PTPN14: variants seen among roughly 807,000 people sequenced by gnomAD.
PTPN14 encodes the protein protein tyrosine phosphatase non-receptor type 14.
Under a neutral mutation model 126.8 loss-of-function variants are expected in PTPN14, and 53 were observed. The observed-to-expected ratio is 0.42, with a 90% CI of 0.34 to 0.53. PTPN14 has a LOEUF of 0.53. Among genes scored for constraint, PTPN14 ranks in the 20% least tolerant of loss-of-function variants. The probability of loss-of-function intolerance (pLI) is 0.08; values close to 1 mark genes in which losing one functional copy is unlikely to be tolerated. For missense variants in PTPN14, 1,257 were observed against 1,552.9 expected (o/e 0.81, Z 3.20); for synonymous variants, 630 against 599.3 (o/e 1.05, Z -0.75).
intron 1 of PTPN14, chr1:214,530,167 C>G (rs931406483): frequency 2.6e-5 from 4 of 151,536 alleles, no homozygotes; most frequent in African/African-American, 9.7e-5. Context: ...AACATTCAGG[C>G]TAGGAGGGAA....
At chr1:214,481,827 TACAAAAA>T (rs1660994904) in intron 1 of PTPN14, among the ~76,000 whole-genome samples, 1 of 151,058 alleles carries the variant, frequency 6.6e-6, no homozygotes, top group Non-Finnish European at 1.5e-5. Flanking sequence ...CTACTAAAAA[TACAAAAA>T]AAATTAGCTG....
At chr1:214,380,566 AT>A (rs1658449205) in intron 13 of PTPN14, among the ~76,000 whole-genome samples, 1 of 152,218 alleles carries the variant, frequency 6.6e-6, no homozygotes, top group Non-Finnish European at 1.5e-5. Context: ...CGGCGGAACC[AT>A]CCATCAAACA....
rs910541918 is a variant in PTPN14, at chr1:214,351,314, G to T, written c.*6608C>A. 2 of 134,988 alleles carry T rather than the reference G, an allele frequency of 1.5e-5. No individual in the cohort carries two copies. The highest frequency in any genetic ancestry group is 2.7e-5 in the African/African-American group (1 of 36,798). The allele number at this position is 134,988 out of a possible 1,614,324, so 8.4% of individuals were successfully genotyped here. A position where few individuals can be genotyped will look rare whatever the true frequency, so the allele number is the denominator to read the frequency against. Reference sequence around the variant, plus strand: ...CTAAAAAAAAAAAAAAAAAGAAAAAGAAAAAAAAAAAGGCAGCAGACCCTA... The same window carrying T: ...CTAAAAAAAAAAAAAAAAAGAAAAATAAAAAAAAAAAGGCAGCAGACCCTA... On this transcript the variant is annotated 3_prime_UTR_variant, in exon 19 of 19. Coordinates refer to ENST00000366956, the MANE Select transcript of PTPN14 (RefSeq NM_005401.5).
At chr1:214,423,998 A>G (rs1165154437) in intron 3 of PTPN14, among the ~76,000 whole-genome samples, 1 of 149,306 alleles carries the variant, frequency 6.7e-6, no homozygotes, top group African/African-American at 2.5e-5. Flanking sequence ...AACAGTAACA[A>G]CAAAAAATCA....
Position 214,386,868 on chromosome 1 carries a change from AG to A in PTPN14, c.1041del (p.Tyr348ThrfsTer29). On this transcript the variant is annotated frameshift_variant, in exon 12 of 19. Coordinates refer to ENST00000366956, the MANE Select transcript of PTPN14 (RefSeq NM_005401.5). LOFTEE classifies it high-confidence loss of function. ...CCTTGCGAGGTGTGCGTTTCCGAGT[AG>A]TGCTCACCACACTGGACGTGAACGG... ...LPPVHVQCGE[H>X]YSETHTSQDS... 1 of 1,607,852 alleles carries A rather than the reference AG, an allele frequency of 6.2e-7. No individual in the cohort carries two copies. The highest frequency in any genetic ancestry group is 8.5e-7 in the Non-Finnish European group (1 of 1,174,562).
chr1:214,360,447 T>C (rs901723676), intron 18 of PTPN14, among the ~76,000 whole-genome samples: 1 of 152,250 alleles, frequency 6.6e-6, no homozygotes, highest in African/African-American at 2.4e-5. Context: ...GCCTAGGTTA[T>C]AAGCTTCTGA....
At chr1:214,476,006 T>C (rs1660858860) in intron 1 of PTPN14, among the ~76,000 whole-genome samples, 1 of 152,124 alleles carries the variant, frequency 6.6e-6, no homozygotes, top group African/African-American at 2.4e-5. Flanking sequence ...AACTATGACA[T>C]ACCATCAGCA....
chr1:214,531,481 ATC>A (rs1467400703), intron 1 of PTPN14: 4 of 134,288 alleles, frequency 3.0e-5, no homozygotes, highest in Non-Finnish European at 6.1e-5. Flanking sequence ...TCCAAAACCC[ATC>A]TCTACAACCC....
In PTPN14 at chr1:214,411,745, A is replaced by G. The variant is rs770773880; in HGVS notation, c.449T>C (p.Phe150Ser). 3 of 1,506,098 alleles carry G rather than the reference A, an allele frequency of 2.0e-6. No homozygotes were observed. The African/African-American group carries it at 4.2e-5, about 21-fold the overall frequency. The allele number at this position is 1,506,098 out of a possible 1,614,324, so 93.3% of individuals were successfully genotyped here. ...RLAGLAVQADFGDYNQFDSQD... is the reference protein window; with the variant it reads ...RLAGLAVQADSGDYNQFDSQD... The stretch of plus-strand genomic sequence containing the variant: ...AGAATCAAACTGATTATAGTCTCCA[A>G]AATCAGCTGAGAAGAAAAGAAGATG... The change falls in exon 5 of 19, where the codon TTT becomes TCT. Residue 150 changes from phenylalanine to serine, a missense_variant. Phe to Ser is a radical substitution (Grantham distance 155, BLOSUM62 -2). Around this residue, in one of 3 missense-constraint regions of PTPN14, gnomAD observed 1,021 missense variants for 1,183.3 expected, o/e 0.86. Transcript: ENST00000366956.
At chr1:214,454,933 A>C (rs1187794412) in intron 2 of PTPN14, among the ~76,000 whole-genome samples, 1 of 152,194 alleles carries the variant, frequency 6.6e-6, no homozygotes, top group East Asian at 1.9e-4. Context: ...TGTCAAATTC[A>C]GTTCTCTAGC....
intron 11 of PTPN14, 72 bp downstream of exon 11, chr1:214,390,916 C>A: frequency 1.6e-6 from 2 of 1,269,894 alleles, no homozygotes; most frequent in Non-Finnish European, 1.1e-6. Flanking sequence ...CCTCATCATC[C>A]CCCCACCTCA....
intron 5 of PTPN14, among the ~76,000 whole-genome samples, chr1:214,407,681 A>G (rs1325798596): frequency 6.6e-6 from 1 of 152,094 alleles, no homozygotes; most frequent in Non-Finnish European, 1.5e-5. Context: ...CAGACACTCT[A>G]CTTTCTCCCA....
At position 214,353,942 on chromosome 1, in the gene PTPN14, T is replaced by C. The variant is rs1179963517; in HGVS notation, c.*3980A>G. The C allele has an allele frequency of 2.0e-5, 3 of 152,218 alleles. No individual in the cohort carries two copies. Among genetic ancestry groups the C allele is most frequent in the Non-Finnish European group, 4.4e-5 (3 of 68,044 alleles). 9.4% of individuals were successfully genotyped at this position (152,218 alleles called of 1,614,324 possible). ...TATTTGCAGAAAATATGGTCCATTA[T>C]TGGAAATTTCATATGGGTCAATCTA... On this transcript the variant is annotated 3_prime_UTR_variant, in exon 19 of 19. Transcript: ENST00000366956.
Position 214,357,022 on chromosome 1 carries a change from C to A in PTPN14, c.*900G>T, listed in dbSNP as rs191931230. On this transcript the variant is annotated 3_prime_UTR_variant, in exon 19 of 19. Transcript: ENST00000366956. ...TCCTTTCTCTTTCTAGGTCTGCTATCCTCTCTCAATCAGGGTAGAGCCTTA... is the reference window on the plus strand; with the variant it reads ...TCCTTTCTCTTTCTAGGTCTGCTATACTCTCTCAATCAGGGTAGAGCCTTA... 2 of 152,406 alleles carry A rather than the reference C, an allele frequency of 1.3e-5. No homozygotes were observed. Among genetic ancestry groups the A allele is most frequent in the Admixed American group, 6.5e-5 (1 of 15,298 alleles). The allele number at this position is 152,406 out of a possible 1,614,324, so 9.4% of individuals were successfully genotyped here. A position where few individuals can be genotyped will look rare whatever the true frequency, so the allele number is the denominator to read the frequency against.
At chr1:214,496,175 AC>A (rs1216060234) in intron 1 of PTPN14, among the ~76,000 whole-genome samples, 1 of 152,188 alleles carries the variant, frequency 6.6e-6, no homozygotes, top group Non-Finnish European at 1.5e-5. Flanking sequence ...TAACAAAAAT[AC>A]TTTTGCTCTG....
At chr1:214,498,736 C>A (rs1654608050) in intron 1 of PTPN14, among the ~76,000 whole-genome samples, 1 of 152,122 alleles carries the variant, frequency 6.6e-6, no homozygotes, top group African/African-American at 2.4e-5. Context: ...CCATGGCAAA[C>A]AATTTGGCCA....
chr1:214,419,433 C>A (rs1339290573), intron 3 of PTPN14, among the ~76,000 whole-genome samples: 1 of 152,160 alleles, frequency 6.6e-6, no homozygotes, highest in Non-Finnish European at 1.5e-5. Context: ...TTCCATAAAA[C>A]TACTGGAGTG....
chr1:214,478,713 A>G (rs1660919466), intron 1 of PTPN14, among the ~76,000 whole-genome samples: 1 of 152,152 alleles, frequency 6.6e-6, no homozygotes, highest in African/African-American at 2.4e-5. Flanking sequence ...AGTGTGCTAA[A>G]GACTTTTACG....
intron 1 of PTPN14, among the ~76,000 whole-genome samples, chr1:214,527,313 G>C (rs1255883265): frequency 1.3e-5 from 2 of 152,226 alleles, no homozygotes; most frequent in East Asian, 3.9e-4. Flanking sequence ...TCCAGAACTT[G>C]ATCTTATGCA....
Sources: allele counts gnomAD v4.1 joint callset (sites outside exome capture counted in the v4.1 genomes callset), GRCh38; gene constraint gnomAD v4.1.1; regional missense constraint gnomAD v4.1.1; transcripts MANE v1.5; gene names NCBI Gene and HGNC (gene_info 2026-07-23, HGNC 2026-07-21).